Variants in YME1L1 observed in about 807,000 individuals in gnomAD.
YME1L1 encodes the protein YME1 like 1 ATPase.
YME1L1 carries 39 observed loss-of-function variants against 90.4 expected under a neutral mutation model. The observed-to-expected ratio is 0.43, with a 90% CI of 0.33 to 0.56. The LOEUF is 0.56. Ranked by LOEUF, YME1L1 falls within the 20% of genes least tolerant of loss-of-function variation. The pLI is 0.03. For synonymous variants in YME1L1, 284 were observed against 287.3 expected (o/e 0.99, Z 0.12); for missense variants, 617 against 868.4 (o/e 0.71, Z 3.64).
At chr10:27,150,920 CTTTTTTTTTTT>C (rs142259641) in intron 1 of YME1L1, among the ~76,000 whole-genome samples, 3 of 87,696 alleles carry the variant, frequency 3.4e-5, no homozygotes, top group East Asian at 4.2e-4. Context: ...ACTCTCTCGC[CTTTTTTTTTTT>C]TTTTTTTTTT....
intron 8 of YME1L1, 120 bp downstream of exon 8, chr10:27,131,739 C>G (rs2135871109): frequency 2.9e-6 from 2 of 694,616 alleles, no homozygotes; most frequent in East Asian, 5.6e-5. Context: ...ACTAATGTTT[C>G]TAATACTTTT....
At chr10:27,140,850 C>T (rs2057079935) in intron 4 of YME1L1, among the ~76,000 whole-genome samples, 1 of 152,128 alleles carries the variant, frequency 6.6e-6, no homozygotes, top group Admixed American at 6.5e-5. Context: ...TTGAGAGAAT[C>T]TAACCTCAGA....
rs780312971 is a variant in YME1L1 at position 27,111,810 on chromosome 10, T to C, written c.*167A>G. On this transcript the variant is annotated 3_prime_UTR_variant, in exon 19 of 19. Transcript: ENST00000376016. ...TGCTAATTTGCAATAGGTGTCATAA[T>C]GAGAATAACCCAAACTGGATAAATG... 12 of 901,580 alleles carry C rather than the reference T, an allele frequency of 1.3e-5. No homozygotes were observed. The highest frequency in any genetic ancestry group is 2.2e-5 in the Non-Finnish European group (12 of 557,618). The allele number at this position is 901,580 out of a possible 1,614,324, so 55.8% of individuals were successfully genotyped here.
chr10:27,145,088 C>T (rs983559920), intron 3 of YME1L1, among the ~76,000 whole-genome samples: 2 of 152,146 alleles, frequency 1.3e-5, no homozygotes, highest in Admixed American at 1.3e-4. Flanking sequence ...TTGCAGTGAG[C>T]GGAGATTGTG....
rs181530326 is a variant in YME1L1 at position 27,116,882 on chromosome 10, T to A, written c.1720-537A>T. On this transcript the variant is annotated intron_variant, in intron 15 of 18. Coordinates refer to ENST00000376016, the MANE Select transcript of YME1L1 (RefSeq NM_014263.4). ...ATCAATATAAAATAAAATAAAAATTTAAAAAAAATTCAGATACAGTTCTGA... is the reference window on the plus strand; with the variant it reads ...ATCAATATAAAATAAAATAAAAATTAAAAAAAAATTCAGATACAGTTCTGA... Among the ~76,000 whole-genome samples, 203 of 151,460 alleles carry A rather than the reference T, an allele frequency of 1.3e-3. 2 individuals carry two copies. Among genetic ancestry groups the A allele is most frequent in the Admixed American group, 4.0e-3 (60 of 15,166 alleles).
At chr10:27,138,520 T>G (rs531442658) in intron 4 of YME1L1, among the ~76,000 whole-genome samples, 1 of 152,208 alleles carries the variant, frequency 6.6e-6, no homozygotes, top group African/African-American at 2.4e-5. Flanking sequence ...CACACACGTG[T>G]GTATGTGTGT....
At chr10:27,123,775 A>T in intron 9 of YME1L1, 76 bp from the exon 10 acceptor site, 1 of 1,414,076 alleles carries the variant, frequency 7.1e-7, no homozygotes, top group Non-Finnish European at 9.5e-7. Context: ...AAAATAAATA[A>T]TTATTCATTT....
intron 1 of YME1L1, among the ~76,000 whole-genome samples, chr10:27,151,505 C>T (rs1320027035): frequency 4.6e-5 from 7 of 152,208 alleles, no homozygotes; most frequent in Admixed American, 1.3e-4. Flanking sequence ...CTCAAAATTC[C>T]AGACTTCTCA....
chr10:27,139,840 T>C (rs991352920), intron 4 of YME1L1, among the ~76,000 whole-genome samples: 2 of 152,242 alleles, frequency 1.3e-5, no homozygotes, highest in Admixed American at 1.3e-4. Flanking sequence ...TGTATTTTCC[T>C]GTTGTTTCTT....
At chr10:27,123,767 A>C in intron 9 of YME1L1, 68 bp from the exon 10 acceptor site, 1 of 1,454,262 alleles carries the variant, frequency 6.9e-7, no homozygotes, top group Non-Finnish European at 9.2e-7. Context: ...GAACCTATAA[A>C]ATAAATAATT....
At chr10:27,140,479 T>C (rs1156749625) in intron 4 of YME1L1, among the ~76,000 whole-genome samples, 3 of 152,216 alleles carry the variant, frequency 2.0e-5, no homozygotes, top group Non-Finnish European at 4.4e-5. Flanking sequence ...TTAGGTTTTT[T>C]TTGTCTTTTT....
chr10:27,139,486 G>C (rs1240027553), intron 4 of YME1L1, among the ~76,000 whole-genome samples: 1 of 151,978 alleles, frequency 6.6e-6, no homozygotes, highest in Non-Finnish European at 1.5e-5. Flanking sequence ...ATACTAAAAA[G>C]TTTTACTAAC....
intron 12 of YME1L1, among the ~76,000 whole-genome samples, chr10:27,120,891 C>G (rs77392924): frequency 0.017 from 2,582 of 152,230 alleles, 145 homozygotes; most frequent in East Asian, 0.16. Context: ...GAATGTTAGA[C>G]TAGAGTCTTA....
At chr10:27,152,847 T>G (rs543819127) in intron 1 of YME1L1, among the ~76,000 whole-genome samples, 31 of 152,296 alleles carry the variant, frequency 2.0e-4, no homozygotes, top group African/African-American at 7.5e-4. Flanking sequence ...GATAACATCT[T>G]CCACTCTTGC....
In YME1L1 at chr10:27,142,426, C is replaced by G. The variant is rs758949391; in HGVS notation, c.391G>C (p.Ala131Pro). ...SSCLYRHHSR[A>P]LQSICSDLQY... ...AGATCTGAACAAATGCTTTGAAGAG[C>G]TCTTGAATGATGTCGATACAAGCAA... The change falls in exon 4 of 19, where the codon GCT becomes CCT. Residue 131 changes from alanine to proline, a missense_variant. Ala to Pro is a conservative substitution (Grantham distance 27). Around this residue, in one of 4 missense-constraint regions of YME1L1, gnomAD observed 311 missense variants for 335.8 expected, o/e 0.93. Transcript: ENST00000376016. 3.9e-6 allele frequency: 6 copies of G among 1,529,478 alleles called. No individual in the cohort carries two copies. The highest frequency in any genetic ancestry group is 3.9e-5 in the South Asian group (3 of 76,816). The allele number at this position is 1,529,478 out of a possible 1,614,324, so 94.7% of individuals were successfully genotyped here.
chr10:27,111,835 G>A lies in YME1L1; in HGVS notation c.*142C>T. ...TGAGAATAACCCAAACTGGATAAAT[G>A]TGACAAATGATTGACAAAGCATTTC... On this transcript the variant is annotated 3_prime_UTR_variant, in exon 19 of 19. Coordinates refer to ENST00000376016, the MANE Select transcript of YME1L1 (RefSeq NM_014263.4). The A allele has an allele frequency of 9.0e-7, 1 of 1,114,730 alleles. No homozygotes were observed. The highest frequency in any genetic ancestry group is 1.4e-6 in the Non-Finnish European group (1 of 740,498). 69.1% of individuals were successfully genotyped at this position (1,114,730 alleles called of 1,614,324 possible). A position where few individuals can be genotyped will look rare whatever the true frequency, so the allele number is the denominator to read the frequency against.
rs373682639 is a variant in YME1L1 at position 27,136,257 on chromosome 10, C to T, written c.540+19G>A. ...ACTTGAAAATATTTGCTTTTTGGAT[C>T]ATAAAAAGGTCTAATTACCTTCACG... On this transcript the variant is annotated intron_variant, in intron 5 of 18. Transcript: ENST00000376016. 428 of 1,591,858 alleles carry T rather than the reference C, an allele frequency of 2.7e-4. No individual in the cohort carries two copies. Among genetic ancestry groups the T allele is most frequent in the Non-Finnish European group, 3.4e-4 (396 of 1,168,230 alleles).
chr10:27,120,974 A>C (rs1160102496), intron 12 of YME1L1, among the ~76,000 whole-genome samples: 1 of 148,708 alleles, frequency 6.7e-6, no homozygotes, highest in African/African-American at 2.5e-5. Flanking sequence ...AGTAACTTTA[A>C]ACCTAGTTAT....
rs2056851852 is a variant in YME1L1 at position 27,120,150 on chromosome 10, A to T, written c.1411+285T>A. ...TTAAATTATTTTGCATTTTACATTCATCTTAAAAAAATGTGTGTGTGTGTA... is the reference window on the plus strand; with the variant it reads ...TTAAATTATTTTGCATTTTACATTCTTCTTAAAAAAATGTGTGTGTGTGTA... On this transcript the variant is annotated intron_variant, in intron 13 of 18. Transcript: ENST00000376016. Among the ~76,000 whole-genome samples the T allele has an allele frequency of 2.0e-5, 3 of 152,046 alleles. No individual in the cohort carries two copies. In the South Asian group the frequency reaches 6.2e-4, roughly 32 times the overall value.
Sources: allele counts gnomAD v4.1 joint callset (sites outside exome capture counted in the v4.1 genomes callset), GRCh38; gene constraint gnomAD v4.1.1; regional missense constraint gnomAD v4.1.1; transcripts MANE v1.5; gene names NCBI Gene and HGNC (gene_info 2026-07-23, HGNC 2026-07-21).